SLITRK4: variants seen among roughly 807,000 people sequenced by gnomAD.
SLITRK4 encodes SLIT and NTRK-like protein 4.
SLITRK4 carries 7 observed loss-of-function variants against 34.7 expected under a neutral mutation model. That is an observed-to-expected ratio of 0.20 (90% CI 0.11 to 0.38). The LOEUF is 0.38. Among genes scored for constraint, SLITRK4 ranks in the 10% least tolerant of loss-of-function variants. The pLI is 1.00. For synonymous variants in SLITRK4, 237 were observed against 246.2 expected, an observed-to-expected ratio of 0.96 and a Z score of 0.35; for missense variants, 474 against 607.0, an observed-to-expected ratio of 0.78 and a Z score of 2.30.
At position 143,630,294 on chromosome X, in the gene SLITRK4, A is replaced by ACGTCAAAATCACTGC; in HGVS notation, c.800_814dup (p.Gly267_Asp271dup). 8.3e-7 allele frequency: 1 copy of ACGTCAAAATCACTGC among 1,212,014 alleles called. No homozygotes were observed. The highest frequency in any genetic ancestry group is 1.1e-6 in the Non-Finnish European group (1 of 895,604). ...CAGCTGAGATGGAGGCAGGATGCGC[A>ACGTCAAAATCACTGC]CGTCAAAATCACTGCCGGTGCCCAT... On this transcript the variant is annotated inframe_insertion, in exon 2 of 2. Coordinates refer to ENST00000356928, the MANE Select transcript of SLITRK4 (RefSeq NM_001184749.3).
Position 143,630,667 on chromosome X carries a change from G to T in SLITRK4, c.442C>A (p.Arg148=), listed in dbSNP as rs782798707. ...ADYNLIKYIE[R]GAFNKLHKLK... ...TTGTGGAGCTTATTGAAGGCTCCTC[G>T]TTCAATATACTTGATTAAATTGTAG... Residue 148 remains arginine, a synonymous_variant, in exon 2 of 2, where the codon CGA becomes AGA. Coordinates refer to ENST00000356928, the MANE Select transcript of SLITRK4 (RefSeq NM_001184749.3). 3 of 1,209,174 alleles carry T rather than the reference G, an allele frequency of 2.5e-6. No homozygotes were observed. Among genetic ancestry groups the T allele is most frequent in the Non-Finnish European group, 3.4e-6 (3 of 894,730 alleles).
At position 143,629,128 on chromosome X, in the gene SLITRK4, A is replaced by G. The variant is rs1930922396; in HGVS notation, c.1981T>C (p.Cys661Arg). 2 of 1,210,410 alleles carry G rather than the reference A, an allele frequency of 1.7e-6. No individual in the cohort carries two copies. The highest frequency in any genetic ancestry group is 2.2e-6 in the Non-Finnish European group (2 of 895,443). Residue 661 changes from cysteine to arginine, a missense_variant, in exon 2 of 2, where the codon TGT becomes CGT. By Grantham distance (180) the Cys-to-Arg change is radical. This residue lies in a region of SLITRK4 where 345 missense variants were observed against 406.5 expected (regional missense o/e 0.85). Transcript: ENST00000356928. ...VKHEGLGNPD[C>R]GSMQLQLRKH... ...CTTAGCTGCAGCTGCATGGAGCCACAGTCAGGATTCCCCAGGCCTTCGTGC... is the reference window on the plus strand; with the variant it reads ...CTTAGCTGCAGCTGCATGGAGCCACGGTCAGGATTCCCCAGGCCTTCGTGC...
At position 143,625,094 on chromosome X, in the gene SLITRK4, G is replaced by T. The variant is rs1435879694; in HGVS notation, c.*3501C>A. On this transcript the variant is annotated 3_prime_UTR_variant, in exon 2 of 2. Transcript: ENST00000356928. ...TTAATATTACCACCATACATTTCTA[G>T]ACGTGTTCTGTTATTTCTGAAATAC... 3 of 110,800 alleles carry T rather than the reference G, an allele frequency of 2.7e-5. No individual in the cohort carries two copies. Among genetic ancestry groups the T allele is most frequent in the Non-Finnish European group, 5.7e-5 (3 of 52,636 alleles). The allele number at this position is 110,800 out of a possible 1,213,427, so 9.1% of individuals were successfully genotyped here.
Position 143,628,338 on chromosome X carries a change from T to C in SLITRK4, c.*257A>G, listed in dbSNP as rs1290000228. 9.1e-6 allele frequency: 3 copies of C among 329,856 alleles called. No individual in the cohort carries two copies. In the Admixed American group the frequency reaches 1.7e-4, roughly 18 times the overall value. 27.2% of individuals were successfully genotyped at this position (329,856 alleles called of 1,213,427 possible). Reference sequence around the variant, plus strand: ...TGCCTCTTGAGGTTAAATTCAGTATTATGTGTATAAAGCATCCCTTTGGCA... The same window carrying C: ...TGCCTCTTGAGGTTAAATTCAGTATCATGTGTATAAAGCATCCCTTTGGCA... On this transcript the variant is annotated 3_prime_UTR_variant, in exon 2 of 2. Transcript: ENST00000356928.
chrX:143,626,192 T>C lies in SLITRK4; in HGVS notation c.*2403A>G, dbSNP rs1301837243. 9.0e-6 allele frequency: 1 copy of C among 111,542 alleles called. No homozygotes were observed. The highest frequency in any genetic ancestry group is 3.2e-5 in the African/African-American group (1 of 30,772). The allele number at this position is 111,542 out of a possible 1,213,427, so 9.2% of individuals were successfully genotyped here. On this transcript the variant is annotated 3_prime_UTR_variant, in exon 2 of 2. Coordinates refer to ENST00000356928, the MANE Select transcript of SLITRK4 (RefSeq NM_001184749.3). ...ACTAAAACACTTTCTTTGAAGCCTT[T>C]GCATCTTTATCCTGTCAGTATACAT...
At chrX:143,634,746 C>A (rs1431113911) in intron 1 of SLITRK4, 1 of 102,293 alleles carries the variant, frequency 9.8e-6, no homozygotes, top group Non-Finnish European at 2.0e-5. Context: ...TGCGCGCGCG[C>A]GAGATCTCTC....
Position 143,627,467 on chromosome X carries a change from G to A in SLITRK4, c.*1128C>T, listed in dbSNP as rs1270980817. The A allele has an allele frequency of 4.5e-5, 5 of 110,368 alleles. No individual in the cohort carries two copies. The highest frequency in any genetic ancestry group is 1.6e-4 in the African/African-American group (5 of 30,474). 9.1% of individuals were successfully genotyped at this position (110,368 alleles called of 1,213,427 possible). ...ATAGCACAGAATTGACTGTTCTTTT[G>A]TATTTTTTTCTTTTCTGTTTGTTTT... On this transcript the variant is annotated 3_prime_UTR_variant, in exon 2 of 2. Coordinates refer to ENST00000356928, the MANE Select transcript of SLITRK4 (RefSeq NM_001184749.3).
Position 143,630,000 on chromosome X carries a change from G to T in SLITRK4, c.1109C>A (p.Ser370Tyr). 8.3e-7 allele frequency: 1 copy of T among 1,211,724 alleles called. No homozygotes were observed. The highest frequency in any genetic ancestry group is 1.1e-6 in the Non-Finnish European group (1 of 895,539). Residue 370 changes from serine (S) to tyrosine (Y), a missense_variant, in exon 2 of 2, where the codon TCT (serine) becomes TAT (tyrosine). Around this residue, in one of 3 missense-constraint regions of SLITRK4, gnomAD observed 345 missense variants for 406.5 expected, o/e 0.85. Coordinates refer to ENST00000356928, the MANE Select transcript of SLITRK4 (RefSeq NM_001184749.3). The stretch of plus-strand genomic sequence containing the variant: ...ATTTAAAGGTTTCGGTATCAGTTCA[G>T]ACATAGACTGTATATTTTTCTCTTG... ...NCQEKNIQSM[S>Y]ELIPKPLNAK...
At position 143,629,541 on chromosome X, in the gene SLITRK4, A is replaced by G; in HGVS notation, c.1568T>C (p.Leu523Pro). The change falls in exon 2 of 2, where the codon CTT becomes CCT. Residue 523 changes from leucine to proline, a missense_variant. Physicochemically the swap from Leu to Pro is moderately conservative, Grantham distance 98. Transcript: ENST00000356928. ...VSGVLDQLQS[L>P]TQIDLEGNPW... Reference sequence around the variant, plus strand: ...GTTGCCCTCCAAGTCAATCTGTGTAAGAGATTGCAACTGATCAAGGACCCC... The same window carrying G: ...GTTGCCCTCCAAGTCAATCTGTGTAGGAGATTGCAACTGATCAAGGACCCC... 8.3e-7 allele frequency: 1 copy of G among 1,211,033 alleles called. No homozygotes were observed. The highest frequency in any genetic ancestry group is 1.8e-5 in the South Asian group (1 of 56,949).
At position 143,623,650 on chromosome X, in the gene SLITRK4, C is replaced by A. The variant is rs1320306954; in HGVS notation, c.*4945G>T. 1.8e-5 allele frequency: 2 copies of A among 111,415 alleles called. No homozygotes were observed. The highest frequency in any genetic ancestry group is 3.8e-5 in the Non-Finnish European group (2 of 52,904). The allele number at this position is 111,415 out of a possible 1,213,427, so 9.2% of individuals were successfully genotyped here. ...TTGTACAAAGTAAGTTATTAAAATT[C>A]ATTTGAGTTCCCATTAGCTTTTAAA... On this transcript the variant is annotated 3_prime_UTR_variant, in exon 2 of 2. Coordinates refer to ENST00000356928, the MANE Select transcript of SLITRK4 (RefSeq NM_001184749.3).
Position 143,625,620 on chromosome X carries a change from A to G in SLITRK4, c.*2975T>C, listed in dbSNP as rs1177079443. On this transcript the variant is annotated 3_prime_UTR_variant, in exon 2 of 2. Coordinates refer to ENST00000356928, the MANE Select transcript of SLITRK4 (RefSeq NM_001184749.3). ...CACTAAAAATGCTGTACTGATGTAC[A>G]TATCATACCTCCAGGGGTTAAACTA... The G allele has an allele frequency of 9.0e-5, 10 of 111,440 alleles. No individual in the cohort carries two copies. Among genetic ancestry groups the G allele is most frequent in the Non-Finnish European group, 1.5e-4 (8 of 52,855 alleles). 9.2% of individuals were successfully genotyped at this position (111,440 alleles called of 1,213,427 possible).
Position 143,628,434 on chromosome X carries a change from C to T in SLITRK4, c.*161G>A, listed in dbSNP as rs1421864598. On this transcript the variant is annotated 3_prime_UTR_variant, in exon 2 of 2. Coordinates refer to ENST00000356928, the MANE Select transcript of SLITRK4 (RefSeq NM_001184749.3). ...TGTAGTAAAATCTATTAAACAAATT[C>T]TCTTCTACTTGACACATCTTTGCAG... 1 of 433,573 alleles carries T rather than the reference C, an allele frequency of 2.3e-6. No homozygotes were observed. Among genetic ancestry groups the T allele is most frequent in the Admixed American group, 4.8e-5 (1 of 20,920 alleles). The allele number at this position is 433,573 out of a possible 1,213,427, so 35.7% of individuals were successfully genotyped here. A position where few individuals can be genotyped will look rare whatever the true frequency, so the allele number is the denominator to read the frequency against.
rs782602820 is a variant in SLITRK4, at chrX:143,631,515, A to G, written c.-50-357T>C. Among the ~76,000 whole-genome samples, 9 of 109,475 alleles carry G rather than the reference A, an allele frequency of 8.2e-5. No homozygotes were observed. The South Asian group carries it at 3.7e-3, about 45-fold the overall frequency. ...AAGCTTCCTACTTGCACTTCAAATG[A>G]CCGAGACCATCAAGTATGCCATCGA... On this transcript the variant is annotated intron_variant, in intron 1 of 1. Coordinates refer to ENST00000356928, the MANE Select transcript of SLITRK4 (RefSeq NM_001184749.3).
At position 143,631,214 on chromosome X, in the gene SLITRK4, T is replaced by G. The variant is rs1404260081; in HGVS notation, c.-50-56A>C. On this transcript the variant is annotated intron_variant, in intron 1 of 1. Coordinates refer to ENST00000356928, the MANE Select transcript of SLITRK4 (RefSeq NM_001184749.3). ...TGGTCATTACTTGAAAAATTACTTG[T>G]ATGTAAATCATACCATAGTGAACAC... 4.6e-6 allele frequency: 3 copies of G among 655,249 alleles called. No individual in the cohort carries two copies. The African/African-American group carries it at 6.8e-5, about 15-fold the overall frequency. The allele number at this position is 655,249 out of a possible 1,213,427, so 54.0% of individuals were successfully genotyped here. A position where few individuals can be genotyped will look rare whatever the true frequency, so the allele number is the denominator to read the frequency against.
rs1042750622 is a variant in SLITRK4 at position 143,623,584 on chromosome X, A to G, written c.*5011T>C. The G allele has an allele frequency of 4.5e-5, 5 of 111,271 alleles. No individual in the cohort carries two copies. The highest frequency in any genetic ancestry group is 1.3e-4 in the African/African-American group (4 of 30,694). The allele number at this position is 111,271 out of a possible 1,213,427, so 9.2% of individuals were successfully genotyped here. ...CATTAAATAAATAAATAAATAAATA[A>G]ATAAAACAAAATAAAATTCCAAATT... On this transcript the variant is annotated 3_prime_UTR_variant, in exon 2 of 2. Coordinates refer to ENST00000356928, the MANE Select transcript of SLITRK4 (RefSeq NM_001184749.3).
Position 143,623,351 on chromosome X carries a change from AT to A in SLITRK4, c.*5243del, listed in dbSNP as rs1226133100. 1.8e-5 allele frequency: 2 copies of A among 110,567 alleles called. No individual in the cohort carries two copies. The highest frequency in any genetic ancestry group is 3.8e-5 in the Non-Finnish European group (2 of 52,742). The allele number at this position is 110,567 out of a possible 1,213,427, so 9.1% of individuals were successfully genotyped here. A position where few individuals can be genotyped will look rare whatever the true frequency, so the allele number is the denominator to read the frequency against. On this transcript the variant is annotated 3_prime_UTR_variant, in exon 2 of 2. Transcript: ENST00000356928. ...GGATTAATGAGAAGCTTGAATCTTT[AT>A]TCTCAATAGCAATTATTTGGTCTAA...
At position 143,628,933 on chromosome X, in the gene SLITRK4, C is replaced by T; in HGVS notation, c.2176G>A (p.Asp726Asn). Residue 726 changes from aspartate (D) to asparagine (N), a missense_variant, in exon 2 of 2, where the codon GAC becomes AAC. Physicochemically the swap from Asp to Asn is conservative, Grantham distance 23. Around this residue, in one of 3 missense-constraint regions of SLITRK4, gnomAD observed 345 missense variants for 406.5 expected, o/e 0.85. Transcript: ENST00000356928. ...GQKVVMRNVA[D>N]KEKDLLHVDT... Reference sequence around the variant, plus strand: ...ACATGTAATAAATCTTTCTCCTTGTCGGCCACATTTCTCATAACAACTTTC... The same window carrying T: ...ACATGTAATAAATCTTTCTCCTTGTTGGCCACATTTCTCATAACAACTTTC... 4 of 1,211,304 alleles carry T rather than the reference C, an allele frequency of 3.3e-6. No individual in the cohort carries two copies. The highest frequency in any genetic ancestry group is 3.0e-5 in the East Asian group (1 of 33,816).
Position 143,629,728 on chromosome X carries a change from T to A in SLITRK4, c.1381A>T (p.Ile461Phe), listed in dbSNP as rs1556426913. ...AAGGTGCCTGCTGAGATTTCCTTAATCAAATTGTATTCCAAATACAGATAC... is the reference window on the plus strand; with the variant it reads ...AAGGTGCCTGCTGAGATTTCCTTAAACAAATTGTATTCCAAATACAGATAC... ...LQYLYLEYNL[I>F]KEISAGTFDS... Residue 461 changes from isoleucine to phenylalanine, a missense_variant, in exon 2 of 2, where the codon ATT becomes TTT. Physicochemically the swap from Ile to Phe is conservative, Grantham distance 21. Coordinates refer to ENST00000356928, the MANE Select transcript of SLITRK4 (RefSeq NM_001184749.3). The A allele has an allele frequency of 8.3e-7, 1 of 1,211,352 alleles. No homozygotes were observed. The highest frequency in any genetic ancestry group is 3.0e-5 in the East Asian group (1 of 33,846).
chrX:143,630,185 A>G lies in SLITRK4; in HGVS notation c.924T>C (p.Asn308=). 4 of 1,211,169 alleles carry G rather than the reference A, an allele frequency of 3.3e-6. No homozygotes were observed. The highest frequency in any genetic ancestry group is 3.4e-6 in the Non-Finnish European group (3 of 895,411). ...RLVTKPPKTT[N]PSKISGIVAG... ...CAACGATTCCAGAGATCTTGGAAGGATTTGTTGTTTTTGGTGGTTTAGTTA... is the reference window on the plus strand; with the variant it reads ...CAACGATTCCAGAGATCTTGGAAGGGTTTGTTGTTTTTGGTGGTTTAGTTA... The change falls in exon 2 of 2, where the codon AAT becomes AAC. Residue 308 remains asparagine, a synonymous_variant. Coordinates refer to ENST00000356928, the MANE Select transcript of SLITRK4 (RefSeq NM_001184749.3).
Sources: gnomAD v4.1 joint callset for allele counts (sites outside exome capture counted in the v4.1 genomes callset) on GRCh38, gnomAD v4.1.1 for gene constraint, gnomAD v4.1.1 regional missense constraint, MANE v1.5 for transcripts, NCBI Gene and HGNC (gene_info 2026-07-23, HGNC 2026-07-21) for gene names.